The following STAMBPL1 variants were observed in gnomAD, a reference collection of about 807,000 sequenced individuals.
STAMBPL1 encodes the protein AMSH-like protease.
A neutral mutation model predicts 52.9 loss-of-function variants in STAMBPL1; 44 were observed. The ratio of observed to expected loss-of-function variants is 0.83; its 90% confidence interval spans 0.65 to 1.07. The LOEUF (loss-of-function observed/expected upper bound fraction) is 1.07, where lower values mean the gene tolerates loss of function less well. Among genes scored for constraint, STAMBPL1 ranks in the 50% least tolerant of loss-of-function variants. The pLI, the probability that STAMBPL1 is intolerant of heterozygous loss-of-function variation, is 0.00. For missense variants in STAMBPL1, 511 were observed against 520.8 expected (o/e 0.98, Z 0.18); for synonymous variants, 164 against 177.3 (o/e 0.92, Z 0.60).
intron 5 of STAMBPL1, among the ~76,000 whole-genome samples, chr10:88,911,914 G>A (rs371803445): frequency 1.5e-4 from 22 of 150,556 alleles, no homozygotes; most frequent in African/African-American, 4.9e-4. Flanking sequence ...CAAGGGAGAC[G>A]AAAGCCCAGT....
intron 8 of STAMBPL1, among the ~76,000 whole-genome samples, chr10:88,918,857 T>C (rs1008314491): frequency 3.9e-5 from 6 of 152,162 alleles, no homozygotes; most frequent in African/African-American, 7.2e-5. Flanking sequence ...AATTTTCCCC[T>C]TATGACCTAC....
At position 88,908,105 on chromosome 10, in the gene STAMBPL1, G is replaced by A. The variant is rs2231782; in HGVS notation, c.249-597G>A. ...CAGTTTCTTCACTTTACCTGGAAGC[G>A]ATGCACCTGGTTTGCTGTAGGAATT... On this transcript the variant is annotated intron_variant, in intron 3 of 10. Coordinates refer to ENST00000371926, the MANE Select transcript of STAMBPL1 (RefSeq NM_020799.4). Among the ~76,000 whole-genome samples, 12 of 152,292 alleles carry A rather than the reference G, an allele frequency of 7.9e-5. No homozygotes were observed. The East Asian group carries it at 1.7e-3, about 22-fold the overall frequency.
intron 1 of STAMBPL1, among the ~76,000 whole-genome samples, chr10:88,900,726 T>C (rs1048292667): frequency 6.6e-6 from 1 of 152,234 alleles, no homozygotes; most frequent in African/African-American, 2.4e-5. Context: ...TACAAATTTT[T>C]ATGAAATTAA....
intron 3 of STAMBPL1, among the ~76,000 whole-genome samples, chr10:88,908,416 G>T (rs916527926): frequency 2.0e-5 from 3 of 152,090 alleles, no homozygotes; most frequent in Non-Finnish European, 4.4e-5. Context: ...GCTCTTTTGG[G>T]GCTAAGCATG....
chr10:88,915,453 A>G (rs1223217903), intron 7 of STAMBPL1, among the ~76,000 whole-genome samples: 3 of 152,174 alleles, frequency 2.0e-5, no homozygotes, highest in African/African-American at 7.2e-5. Context: ...ATAGGAAGCC[A>G]TTGGTGGCAG....
chr10:88,922,464 C>G (rs781005925), intron 10 of STAMBPL1, 28 bp downstream of exon 10: 11 of 1,599,722 alleles, frequency 6.9e-6, no homozygotes, highest in African/African-American at 1.3e-5. Context: ...GTTATTTTTC[C>G]AGGTATTTCT....
At chr10:88,902,610 C>T (rs1844972622) in intron 2 of STAMBPL1, among the ~76,000 whole-genome samples, 2 of 151,912 alleles carry the variant, frequency 1.3e-5, no homozygotes, top group South Asian at 4.1e-4. Context: ...CGCTCTGTCA[C>T]TCAGGCTGGA....
rs948101331 is a variant in STAMBPL1, at chr10:88,916,738, A to G, written c.962A>G (p.Asp321Gly). Residue 321 changes from aspartate to glycine, a missense_variant, in exon 8 of 11, where the codon GAC becomes GGC. Asp to Gly is a moderately conservative substitution (Grantham distance 94, BLOSUM62 -1). Around this residue, in one of 3 missense-constraint regions of STAMBPL1, gnomAD observed 16 missense variants for 37.4 expected, o/e 0.43. Coordinates refer to ENST00000371926, the MANE Select transcript of STAMBPL1 (RefSeq NM_020799.4). The part of the protein sequence containing the change: ...VIVPKQSAGP[D>G]YCDMENVEEL... ...GTGCCAAAGCAGTCTGCGGGACCAGACTATTGTGACATGGAGAATGTAGAG... is the reference window on the plus strand; with the variant it reads ...GTGCCAAAGCAGTCTGCGGGACCAGGCTATTGTGACATGGAGAATGTAGAG... The G allele has an allele frequency of 1.2e-6, 2 of 1,610,292 alleles. No individual in the cohort carries two copies. Among genetic ancestry groups the G allele is most frequent in the African/African-American group, 2.7e-5 (2 of 74,564 alleles).
intron 3 of STAMBPL1, among the ~76,000 whole-genome samples, chr10:88,907,177 A>T (rs1845096607): frequency 6.6e-6 from 1 of 152,222 alleles, no homozygotes; most frequent in African/African-American, 2.4e-5. Context: ...TAGCTTAGTC[A>T]GGGGCTTAGC....
At chr10:88,906,352 G>A (rs941796748) in intron 3 of STAMBPL1, among the ~76,000 whole-genome samples, 3 of 152,084 alleles carry the variant, frequency 2.0e-5, no homozygotes, top group African/African-American at 7.2e-5. Context: ...ATGGGACTTC[G>A]TCTTTCCTTA....
At chr10:88,906,231 G>A (rs1845071658) in intron 3 of STAMBPL1, among the ~76,000 whole-genome samples, 1 of 152,180 alleles carries the variant, frequency 6.6e-6, no homozygotes, top group Non-Finnish European at 1.5e-5. Flanking sequence ...CAAAAGAGCT[G>A]TCAAAATGTT....
At chr10:88,895,780 C>T (rs188340008) in intron 1 of STAMBPL1, among the ~76,000 whole-genome samples, 207 of 152,188 alleles carry the variant, frequency 1.4e-3, no homozygotes, top group African/African-American at 4.8e-3. Flanking sequence ...CTGAGCTCTT[C>T]GTGCTAAGGG....
At chr10:88,921,130 AAGGG>A (rs1284490031) in intron 8 of STAMBPL1, among the ~76,000 whole-genome samples, 149 bp from the exon 9 acceptor site, 2 of 152,186 alleles carry the variant, frequency 1.3e-5, no homozygotes, top group African/African-American at 4.8e-5. Context: ...AGTTGGCATA[AAGGG>A]AAGGATTATG....
rs1844741604 is a variant in STAMBPL1 at position 88,893,631 on chromosome 10, C to T, written c.-53-8025C>T. On this transcript the variant is annotated intron_variant, in intron 1 of 10. Coordinates refer to ENST00000371926, the MANE Select transcript of STAMBPL1 (RefSeq NM_020799.4). ...TAGTGCATGCCTGTAATCCCAGCTA[C>T]TTAGGAAGCTGAAAGAGGAGAATCG... Among the ~76,000 whole-genome samples the T allele has an allele frequency of 2.0e-5, 3 of 152,138 alleles. No individual in the cohort carries two copies. In the South Asian group the frequency reaches 6.2e-4, roughly 32 times the overall value.
rs547767872 is a variant in STAMBPL1, at chr10:88,915,379, A to G, written c.903+721A>G. On this transcript the variant is annotated intron_variant, in intron 7 of 10. Transcript: ENST00000371926. The stretch of plus-strand genomic sequence containing the variant: ...CCTCTGCTTTATTGAATAATAATAC[A>G]TTGTATTCAGTACACAATCTCCTGC... Among the ~76,000 whole-genome samples the G allele has an allele frequency of 9.9e-5, 15 of 152,284 alleles. No individual in the cohort carries two copies. In the South Asian group the frequency reaches 2.9e-3, roughly 29 times the overall value.
In STAMBPL1 at chr10:88,923,458, T is replaced by C. The variant is rs969461640; in HGVS notation, c.*234T>C. On this transcript the variant is annotated 3_prime_UTR_variant, in exon 11 of 11. Transcript: ENST00000371926. ...TACCTGATAATGTACCCAAATACTATGGCCAGATAATAAATTGTGCTGCAA... is the reference window on the plus strand; with the variant it reads ...TACCTGATAATGTACCCAAATACTACGGCCAGATAATAAATTGTGCTGCAA... The C allele has an allele frequency of 4.9e-6, 6 of 1,229,904 alleles. No individual in the cohort carries two copies. The highest frequency in any genetic ancestry group is 3.2e-5 in the South Asian group (1 of 31,240). The allele number at this position is 1,229,904 out of a possible 1,614,324, so 76.2% of individuals were successfully genotyped here.
In STAMBPL1 at chr10:88,922,627, A is replaced by G. The variant is rs12414207; in HGVS notation, c.1254+191A>G. Reference sequence around the variant, plus strand: ...TATTCTCAAAATAATTGTATTTACAAGGAAACATCAGTATTTCTGTAGCAG... The same window carrying G: ...TATTCTCAAAATAATTGTATTTACAGGGAAACATCAGTATTTCTGTAGCAG... On this transcript the variant is annotated intron_variant, in intron 10 of 10. Coordinates refer to ENST00000371926, the MANE Select transcript of STAMBPL1 (RefSeq NM_020799.4). Among the ~76,000 whole-genome samples the G allele has an allele frequency of 3.3e-5, 5 of 152,334 alleles. No homozygotes were observed. The East Asian group carries it at 7.7e-4, about 23-fold the overall frequency.
At chr10:88,883,700 A>AT (rs1435207662) in intron 1 of STAMBPL1, among the ~76,000 whole-genome samples, 1 of 152,078 alleles carries the variant, frequency 6.6e-6, no homozygotes, top group African/African-American at 2.4e-5. Context: ...AATCTGTGTT[A>AT]TTTTTTTCCA....
chr10:88,892,099 G>A (rs993070701), intron 1 of STAMBPL1, among the ~76,000 whole-genome samples: 1 of 152,168 alleles, frequency 6.6e-6, no homozygotes, highest in Non-Finnish European at 1.5e-5. Flanking sequence ...GATGCAGGGT[G>A]AGGGAGGAGA....
Sources: gnomAD v4.1 joint callset for allele counts (sites outside exome capture counted in the v4.1 genomes callset) on GRCh38, gnomAD v4.1.1 for gene constraint, gnomAD v4.1.1 regional missense constraint, MANE v1.5 for transcripts, NCBI Gene and HGNC (gene_info 2026-07-23, HGNC 2026-07-21) for gene names.